The following CDT1 variants were observed in gnomAD, a reference collection of about 807,000 sequenced individuals.
CDT1 encodes chromatin licensing and DNA replication factor 1, also known as DNA replication factor Cdt1.
CDT1 carries 66 observed loss-of-function variants against 49.3 expected under a neutral mutation model. The ratio of observed to expected loss-of-function variants is 1.34; its 90% confidence interval spans 1.10 to 1.64. The LOEUF is 1.64. CDT1 is among the 40% of genes most tolerant of loss of function. The pLI is 0.00. For missense variants in CDT1, 958 were observed against 807.7 expected (o/e 1.19, Z -2.26); for synonymous variants, 424 against 347.4 (o/e 1.22, Z -2.45).
intron 3 of CDT1, 148 bp downstream of exon 3, chr16:88,805,046 A>G (rs1206020431): frequency 8.8e-7 from 1 of 1,134,640 alleles, no homozygotes; most frequent in African/African-American, 1.6e-5. Context: ...ACCCCTGAGA[A>G]AAAGGTCCCG....
chr16:88,806,201 C>T, intron 6 of CDT1, 80 bp downstream of exon 6: 3 of 1,284,192 alleles, frequency 2.3e-6, no homozygotes, highest in Admixed American at 2.0e-5. Context: ...TTGGAGCATC[C>T]CTGCCACTCA....
At position 88,807,041 on chromosome 16, in the gene CDT1, C is replaced by T. The variant is rs199729089; in HGVS notation, c.1123-10C>T. The T allele has an allele frequency of 3.8e-5, 61 of 1,612,822 alleles. No homozygotes were observed. The African/African-American group carries it at 6.4e-4, about 17-fold the overall frequency. ...TGTGACCTCTCCAGTCCAACCTGTC[C>T]CTCCCGCAGATGGAGAAGGCCTTGA... is the stretch of plus-strand genomic sequence containing the variant. On this transcript the variant is annotated splice_polypyrimidine_tract_variant and intron_variant, in intron 7 of 9. Transcript: ENST00000301019.
chr16:88,805,571 TCCA>T lies in CDT1; in HGVS notation c.622_624del (p.His208del). 1 of 1,612,852 alleles carries T rather than the reference TCCA, an allele frequency of 6.2e-7. No individual in the cohort carries two copies. The highest frequency in any genetic ancestry group is 8.5e-7 in the Non-Finnish European group (1 of 1,179,978). ...AGCATGGACACCATCGTGGGCATGCTCCACAACCGCTCCGAGACGCCCACCTTT... is the reference window on the plus strand; with the variant it reads ...AGCATGGACACCATCGTGGGCATGCTCAACCGCTCCGAGACGCCCACCTTT... On this transcript the variant is annotated inframe_deletion, in exon 4 of 10. Coordinates refer to ENST00000301019, the MANE Select transcript of CDT1 (RefSeq NM_030928.4).
Position 88,808,375 on chromosome 16 carries a change from C to T in CDT1, c.*97C>T, listed in dbSNP as rs896439122. ...ATGAACATGATACACTTTGGCCTTCCTTTCCCCAGCGCCCCTGAGGGCCAG... is the reference window on the plus strand; with the variant it reads ...ATGAACATGATACACTTTGGCCTTCTTTTCCCCAGCGCCCCTGAGGGCCAG... On this transcript the variant is annotated 3_prime_UTR_variant, in exon 10 of 10. Coordinates refer to ENST00000301019, the MANE Select transcript of CDT1 (RefSeq NM_030928.4). The T allele has an allele frequency of 1.3e-5, 18 of 1,379,376 alleles. No homozygotes were observed. Among genetic ancestry groups the T allele is most frequent in the African/African-American group, 1.0e-4 (7 of 69,484 alleles). The allele number at this position is 1,379,376 out of a possible 1,614,324, so 85.4% of individuals were successfully genotyped here.
In CDT1 at chr16:88,808,557, C is replaced by A. The variant is rs1319151925; in HGVS notation, c.*279C>A. On this transcript the variant is annotated 3_prime_UTR_variant, in exon 10 of 10. Coordinates refer to ENST00000301019, the MANE Select transcript of CDT1 (RefSeq NM_030928.4). ...GGGAAGGGAAGCCAGATCCAGCACC[C>A]CCTGGGGGGCCATCGGGAGTGTGGC... 6 of 514,066 alleles carry A rather than the reference C, an allele frequency of 1.2e-5. No individual in the cohort carries two copies. The highest frequency in any genetic ancestry group is 1.7e-5 in the Non-Finnish European group (5 of 287,200). 31.8% of individuals were successfully genotyped at this position (514,066 alleles called of 1,614,324 possible).
At chr16:88,806,768 G>C (rs2142945158) in intron 7 of CDT1, 94 bp downstream of exon 7, 2 of 1,462,524 alleles carry the variant, frequency 1.4e-6, no homozygotes, top group Non-Finnish European at 1.9e-6. Flanking sequence ...TGATGAGCTT[G>C]ACGCCTCATC....
At chr16:88,804,300 T>TGG (rs1394088816) in intron 1 of CDT1, among the ~76,000 whole-genome samples, 1 of 151,856 alleles carries the variant, frequency 6.6e-6, no homozygotes, top group Non-Finnish European at 1.5e-5. Flanking sequence ...GATCCGATGA[T>TGG]GGGGCTGGAA....
Position 88,803,865 on chromosome 16 carries a change from C to A in CDT1, c.34C>A (p.Arg12Ser). The A allele has an allele frequency of 6.7e-7, 1 of 1,484,252 alleles. No homozygotes were observed. Among genetic ancestry groups the A allele is most frequent in the South Asian group, 1.2e-5 (1 of 83,888 alleles). 91.9% of individuals were successfully genotyped at this position (1,484,252 alleles called of 1,614,324 possible). ...GCGCCGCGTCACCGACTTCTTCGCG[C>A]GCCGCCGCCCCGGGCCCCCCCGCAT... The part of the protein sequence containing the change: ...EQRRVTDFFA[R>S]RRPGPPRIAP... The change falls in exon 1 of 10, where the codon CGC becomes AGC. Residue 12 changes from arginine (R) to serine (S), a missense_variant. Transcript: ENST00000301019.
chr16:88,804,478 G>A, intron 1 of CDT1, 67 bp from the exon 2 acceptor site: 2 of 1,574,338 alleles, frequency 1.3e-6, no homozygotes, highest in Non-Finnish European at 1.7e-6. Context: ...TGATCCTTCG[G>A]GGTCCTCTGC....
rs1408693074 is a variant in CDT1, at chr16:88,806,324, C to T, written c.934-162C>T. 63 of 1,029,870 alleles carry T rather than the reference C, an allele frequency of 6.1e-5. No individual in the cohort carries two copies. In the Middle Eastern group the frequency reaches 1.3e-3, roughly 21 times the overall value. The allele number at this position is 1,029,870 out of a possible 1,614,324, so 63.8% of individuals were successfully genotyped here. On this transcript the variant is annotated intron_variant, in intron 6 of 9. Coordinates refer to ENST00000301019, the MANE Select transcript of CDT1 (RefSeq NM_030928.4). ...CCCCAAGGCGTTCAGCGAGCGCGGA[C>T]CATGGGAGGCCTTGTGCTCTCCCTC...
Position 88,805,714 on chromosome 16 carries a change from C to G in CDT1, c.687-10C>G, listed in dbSNP as rs200506462. On this transcript the variant is annotated splice_polypyrimidine_tract_variant and intron_variant, in intron 4 of 9. Transcript: ENST00000301019. ...GGCCTGCCTCCTGAGCCGCCCCCAT[C>G]CTCCCATAGGCGTTTTGAGGAGTGC... The G allele has an allele frequency of 1.3e-4, 205 of 1,612,862 alleles. No individual in the cohort carries two copies. The African/African-American group carries it at 2.5e-3, about 19-fold the overall frequency.
Position 88,809,221 on chromosome 16 carries a change from C to T in CDT1, c.*943C>T, listed in dbSNP as rs563825725. 41 of 348,204 alleles carry T rather than the reference C, an allele frequency of 1.2e-4. No individual in the cohort carries two copies. The highest frequency in any genetic ancestry group is 4.3e-4 in the Admixed American group (11 of 25,442). 21.6% of individuals were successfully genotyped at this position (348,204 alleles called of 1,614,324 possible). A position where few individuals can be genotyped will look rare whatever the true frequency, so the allele number is the denominator to read the frequency against. On this transcript the variant is annotated 3_prime_UTR_variant, in exon 10 of 10. Coordinates refer to ENST00000301019, the MANE Select transcript of CDT1 (RefSeq NM_030928.4). ...CACACCTTGACTTCAGTATTTCTGA[C>T]CTCCTAAACTCTAATAAAGTCATGC... is the stretch of plus-strand genomic sequence containing the variant.
In CDT1 at chr16:88,803,852, C is replaced by G. The variant is rs768632280; in HGVS notation, c.21C>G (p.Thr7=). Residue 7 remains threonine (T), a synonymous_variant, in exon 1 of 10, where the codon ACC becomes ACG. Transcript: ENST00000301019. ...CCGCCATGGAGCAGCGCCGCGTCAC[C>G]GACTTCTTCGCGCGCCGCCGCCCCG... MEQRRV[T]DFFARRRPGP... is the part of the protein sequence containing the mutation. 7.4e-6 allele frequency: 11 copies of G among 1,492,010 alleles called. No homozygotes were observed. The highest frequency in any genetic ancestry group is 8.9e-6 in the Non-Finnish European group (10 of 1,120,012). The allele number at this position is 1,492,010 out of a possible 1,614,324, so 92.4% of individuals were successfully genotyped here. A position where few individuals can be genotyped will look rare whatever the true frequency, so the allele number is the denominator to read the frequency against.
At position 88,807,225 on chromosome 16, in the gene CDT1, C is replaced by T. The variant is rs571280307; in HGVS notation, c.1275+22C>T. On this transcript the variant is annotated intron_variant, in intron 8 of 9. Coordinates refer to ENST00000301019, the MANE Select transcript of CDT1 (RefSeq NM_030928.4). ...GCGGGTGAGTCGTCCCCAGTGATGG[C>T]GGGTGGGCGCCTGGTGACCTGCTGC... 6.5e-5 allele frequency: 105 copies of T among 1,611,056 alleles called. 1 individual carries two copies. The highest frequency in any genetic ancestry group is 3.3e-4 in the Admixed American group (20 of 59,804).
rs1195699445 is a variant in CDT1 at position 88,809,192 on chromosome 16, T to C, written c.*914T>C. On this transcript the variant is annotated 3_prime_UTR_variant, in exon 10 of 10. Coordinates refer to ENST00000301019, the MANE Select transcript of CDT1 (RefSeq NM_030928.4). ...GGAGCCTCCAGAAGGGACTGGCCTC[T>C]GCCCACACCTTGACTTCAGTATTTC... 2 of 341,676 alleles carry C rather than the reference T, an allele frequency of 5.9e-6. No individual in the cohort carries two copies. The highest frequency in any genetic ancestry group is 1.2e-5 in the Non-Finnish European group (2 of 173,270). 21.2% of individuals were successfully genotyped at this position (341,676 alleles called of 1,614,324 possible).
At position 88,808,999 on chromosome 16, in the gene CDT1, CAA is replaced by C. The variant is rs796277561; in HGVS notation, c.*731_*732del. 1 of 164,920 alleles carries C rather than the reference CAA, an allele frequency of 6.1e-6. No homozygotes were observed. The highest frequency in any genetic ancestry group is 1.3e-5 in the Non-Finnish European group (1 of 76,182). 10.2% of individuals were successfully genotyped at this position (164,920 alleles called of 1,614,324 possible). On this transcript the variant is annotated 3_prime_UTR_variant, in exon 10 of 10. Transcript: ENST00000301019. ...TGGGTGACAGAGCGAGACTCCGTCT[CAA>C]AAAAAAAAATTTCAAGACTGGAGAG...
chr16:88,809,057 GTCATCACAGGGCCT>G lies in CDT1; in HGVS notation c.*784_*797del, dbSNP rs1908991914. 2 of 213,566 alleles carry G rather than the reference GTCATCACAGGGCCT, an allele frequency of 9.4e-6. No individual in the cohort carries two copies. Among genetic ancestry groups the G allele is most frequent in the African/African-American group, 2.3e-5 (1 of 42,970 alleles). The allele number at this position is 213,566 out of a possible 1,614,324, so 13.2% of individuals were successfully genotyped here. A position where few individuals can be genotyped will look rare whatever the true frequency, so the allele number is the denominator to read the frequency against. ...CCTGAATTGTCCAGCTACGCCCCAT[GTCATCACAGGGCCT>G]TCATGACAGGGCCAGAGCCAGCCAG... On this transcript the variant is annotated 3_prime_UTR_variant, in exon 10 of 10. Transcript: ENST00000301019.
intron 9 of CDT1, 46 bp downstream of exon 9, chr16:88,807,528 G>C: frequency 6.4e-7 from 1 of 1,561,284 alleles, no homozygotes; most frequent in Non-Finnish European, 8.8e-7. Flanking sequence ...GGAATTGCCT[G>C]GTGCTGCAGC....
In CDT1 at chr16:88,805,946, C is replaced by T. The variant is rs1409990627; in HGVS notation, c.833-75C>T. The T allele has an allele frequency of 2.5e-6, 4 of 1,586,528 alleles. No homozygotes were observed. In the African/African-American group the frequency reaches 4.0e-5, roughly 16 times the overall value. On this transcript the variant is annotated intron_variant, in intron 5 of 9. Coordinates refer to ENST00000301019, the MANE Select transcript of CDT1 (RefSeq NM_030928.4). ...TCCAGGGTGGGTGTGAGGTGCTGGGCATCTGGCCCAGGACTGGTCACGGGT... is the reference window on the plus strand; with the variant it reads ...TCCAGGGTGGGTGTGAGGTGCTGGGTATCTGGCCCAGGACTGGTCACGGGT...
Sources: allele counts gnomAD v4.1 joint callset (sites outside exome capture counted in the v4.1 genomes callset), GRCh38; gene constraint gnomAD v4.1.1; transcripts MANE v1.5; gene names NCBI Gene and HGNC (gene_info 2026-07-23, HGNC 2026-07-21).